Variants in GRIN2A observed in about 807,000 individuals in gnomAD.
The protein encoded by GRIN2A is glutamate ionotropic receptor NMDA type subunit 2A.
A neutral mutation model predicts 113.4 loss-of-function variants in GRIN2A; 22 were observed. The ratio of observed to expected loss-of-function variants is 0.19; its 90% CI spans 0.14 to 0.28. The LOEUF is 0.28. GRIN2A is among the 10% of genes least tolerant of loss of function. The pLI is 1.00. For missense variants in GRIN2A, 1,502 were observed against 1,887.0 expected (o/e 0.80, Z 3.78); for synonymous variants, 827 against 738.4 (o/e 1.12, Z -1.94).
At chr16:10,152,328 C>T (rs1043068089) in intron 2 of GRIN2A, among the ~76,000 whole-genome samples, 2 of 152,186 alleles carry the variant, frequency 1.3e-5, no homozygotes, top group East Asian at 3.9e-4. Context: ...ATGTACTTGG[C>T]CACCTACGTG....
chr16:10,054,745 T>C (rs1434801242), intron 2 of GRIN2A, among the ~76,000 whole-genome samples: 1 of 151,638 alleles, frequency 6.6e-6, no homozygotes, highest in Non-Finnish European at 1.5e-5. Flanking sequence ...AACATAATAC[T>C]GAGTAAAAAA....
chr16:9,757,207 C>T lies in GRIN2A; in HGVS notation c.*5942G>A, dbSNP rs16966255. 2,873 of 219,648 alleles carry T rather than the reference C, an allele frequency of 0.013. 62 individuals carry two copies. Among genetic ancestry groups the T allele is most frequent in the African/African-American group, 0.059 (2,642 of 44,666 alleles). The allele number at this position is 219,648 out of a possible 1,614,324, so 13.6% of individuals were successfully genotyped here. A position where few individuals can be genotyped will look rare whatever the true frequency, so the allele number is the denominator to read the frequency against. On this transcript the variant is annotated 3_prime_UTR_variant, in exon 13 of 13. Transcript: ENST00000330684. ...CTGGTTGGAACCAGACAAAAGCCTT[C>T]CTGTGCAAAAATGTAGGAGTGTGAG...
intron 2 of GRIN2A, among the ~76,000 whole-genome samples, chr16:9,949,094 T>A (rs1567194850): frequency 6.6e-6 from 1 of 152,166 alleles, no homozygotes; most frequent in Non-Finnish European, 1.5e-5. Flanking sequence ...GCCTCCTCTC[T>A]CCCCTCCACC....
rs1900802266 is a variant in GRIN2A at position 9,764,703 on chromosome 16, C to A, written c.2841G>T (p.Arg947Ser). Residue 947 changes from arginine (R) to serine (S), a missense_variant, in exon 13 of 13, where the codon AGG becomes AGT. By Grantham distance (110) the Arg-to-Ser change is moderately radical. Transcript: ENST00000330684. ...AAATGCTCTCTTTCCCCTGAAAGGA[C>A]CTGTTGTCTGAGTACATCAAATTCC... The part of the protein sequence containing the change: ...DKGNLMYSDN[R>S]SFQGKESIFG... 1.2e-6 allele frequency: 2 copies of A among 1,614,194 alleles called. No individual in the cohort carries two copies. Among genetic ancestry groups the A allele is most frequent in the Non-Finnish European group, 1.7e-6 (2 of 1,180,024 alleles).
intron 7 of GRIN2A, among the ~76,000 whole-genome samples, chr16:9,836,271 G>T (rs1264504209): frequency 6.6e-6 from 1 of 152,234 alleles, no homozygotes; most frequent in Admixed American, 6.5e-5. Flanking sequence ...TGGAATAGCT[G>T]TGTGATTCCA....
At chr16:10,145,513 T>TA (rs34055110) in intron 2 of GRIN2A, among the ~76,000 whole-genome samples, 35,781 of 149,988 alleles carry the variant, frequency 0.24, 4,823 homozygotes, top group East Asian at 0.4. Flanking sequence ...CAGCTGTTTT[T>TA]AAAAAAAAAA....
chr16:9,804,272 G>T (rs768404378), intron 10 of GRIN2A, among the ~76,000 whole-genome samples: 1 of 152,142 alleles, frequency 6.6e-6, no homozygotes, highest in Non-Finnish European at 1.5e-5. Context: ...GTTGAGCTGC[G>T]ACTGCTGGAC....
At position 9,829,543 on chromosome 16, in the gene GRIN2A, G is replaced by A. The variant is rs1405705274; in HGVS notation, c.1887C>T (p.Ile629=). The change falls in exon 9 of 13, where the codon ATC becomes ATT. Residue 629 remains isoleucine (I), a synonymous_variant. Transcript: ENST00000330684. The part of the protein sequence containing the change: ...VQNPKGTTSK[I]MVSVWAFFAV... ...CGAAGAAGGCCCATACAGATACCAT[G>A]ATCTTGCTGGTGGTCCCTTTAGGAT... The A allele has an allele frequency of 1.9e-6, 3 of 1,613,658 alleles. No homozygotes were observed. Among genetic ancestry groups the A allele is most frequent in the Non-Finnish European group, 1.7e-6 (2 of 1,179,696 alleles).
At chr16:9,927,948 A>C (rs1426901605) in intron 3 of GRIN2A, among the ~76,000 whole-genome samples, 2 of 152,230 alleles carry the variant, frequency 1.3e-5, no homozygotes, top group East Asian at 3.8e-4. Flanking sequence ...AACCAAATGA[A>C]GCAGATCCTC....
chr16:10,084,323 G>C lies in GRIN2A; in HGVS notation c.414+95675C>G, dbSNP rs370048261. 9.9e-5 allele frequency among the ~76,000 whole-genome samples: 15 copies of C among 152,256 alleles called. No individual in the cohort carries two copies. The South Asian group carries it at 3.1e-3, about 32-fold the overall frequency. ...CACTCAGCACTTTAAGCATGGGGCTGAGCTCACAGCCTCATACAGAGCAAA... is the reference window on the plus strand; with the variant it reads ...CACTCAGCACTTTAAGCATGGGGCTCAGCTCACAGCCTCATACAGAGCAAA... On this transcript the variant is annotated intron_variant, in intron 2 of 12. Coordinates refer to ENST00000330684, the MANE Select transcript of GRIN2A (RefSeq NM_001134407.3).
intron 4 of GRIN2A, among the ~76,000 whole-genome samples, chr16:9,856,680 C>A (rs913874725): frequency 1.3e-5 from 2 of 150,554 alleles, no homozygotes; most frequent in Non-Finnish European, 1.5e-5. Flanking sequence ...CTTTCCGTTT[C>A]TACTATTCCG....
chr16:9,895,613 G>T (rs748127338), intron 3 of GRIN2A, among the ~76,000 whole-genome samples: 5 of 152,212 alleles, frequency 3.3e-5, no homozygotes, highest in African/African-American at 1.2e-4. Context: ...GAAAGCAACA[G>T]GTGGAATGAA....
At chr16:10,039,813 A>AGAG (rs1555469303) in intron 2 of GRIN2A, among the ~76,000 whole-genome samples, 23 of 73,572 alleles carry the variant, frequency 3.1e-4, no homozygotes, top group African/African-American at 1.3e-3. Flanking sequence ...GGGGGGGAGA[A>AGAG]AGAGAGAGAG....
At chr16:9,982,505 CT>C (rs2045910055) in intron 2 of GRIN2A, among the ~76,000 whole-genome samples, 1 of 152,210 alleles carries the variant, frequency 6.6e-6, no homozygotes, top group Non-Finnish European at 1.5e-5. Flanking sequence ...TGAGGAAGAA[CT>C]GATACAAGAA....
Position 10,061,893 on chromosome 16 carries a change from A to G in GRIN2A, c.414+118105T>C, listed in dbSNP as rs542811560. ...AAGGCCAATCGAACTCAGCAGCAAA[A>G]TGGGACGTATTCAGCCAGAGCCTGT... On this transcript the variant is annotated intron_variant, in intron 2 of 12. Coordinates refer to ENST00000330684, the MANE Select transcript of GRIN2A (RefSeq NM_001134407.3). Among the ~76,000 whole-genome samples, 4 of 152,336 alleles carry G rather than the reference A, an allele frequency of 2.6e-5. No individual in the cohort carries two copies. The South Asian group carries it at 8.3e-4, about 32-fold the overall frequency.
At chr16:10,136,162 T>G (rs555372551) in intron 2 of GRIN2A, among the ~76,000 whole-genome samples, 2 of 152,260 alleles carry the variant, frequency 1.3e-5, no homozygotes, top group African/African-American at 4.8e-5. Flanking sequence ...GTTCTGAAGG[T>G]TTCCTATTGA....
chr16:9,989,727 T>A (rs906573843), intron 2 of GRIN2A, among the ~76,000 whole-genome samples: 1 of 152,002 alleles, frequency 6.6e-6, no homozygotes, highest in African/African-American at 2.4e-5. Flanking sequence ...GCAAAGGACA[T>A]GAGCAGACAC....
chr16:9,992,494 T>C (rs1311467696), intron 2 of GRIN2A, among the ~76,000 whole-genome samples: 1 of 152,174 alleles, frequency 6.6e-6, no homozygotes, highest in East Asian at 1.9e-4. Flanking sequence ...GCCAATATAT[T>C]TCTCAGTTCC....
chr16:9,792,091 G>GTT (rs1902641455), intron 11 of GRIN2A, among the ~76,000 whole-genome samples: 3 of 138,690 alleles, frequency 2.2e-5, no homozygotes, highest in African/African-American at 8.8e-5. Context: ...GTGTGTGTGT[G>GTT]TGTGTGTGTG....
Sources: allele counts gnomAD v4.1 joint callset (sites outside exome capture counted in the v4.1 genomes callset), GRCh38; gene constraint gnomAD v4.1.1; transcripts MANE v1.5; gene names NCBI Gene and HGNC (gene_info 2026-07-23, HGNC 2026-07-21).